The following SLC39A11 variants were observed in gnomAD, a reference collection of about 807,000 sequenced individuals.
SLC39A11 encodes zinc transporter ZIP11.
Under a neutral mutation model 36.1 loss-of-function variants are expected in SLC39A11, and 33 were observed. The ratio of observed to expected loss-of-function variants is 0.91; its 90% CI spans 0.69 to 1.22. The LOEUF is 1.22. Ranked by LOEUF, SLC39A11 falls within the 50% of genes most tolerant of loss-of-function variation. The pLI is 0.00. For synonymous variants in SLC39A11, 166 were observed against 170.3 expected (o/e 0.97, Z 0.20); for missense variants, 432 against 430.3 (o/e 1.00, Z -0.03).
At chr17:72,838,082 G>A (rs2078645212) in intron 6 of SLC39A11, 4 of 807,074 alleles carry the variant, frequency 5.0e-6, no homozygotes, top group Non-Finnish European at 1.7e-6. Flanking sequence ...CCAGCAGTTC[G>A]AGGCCACCCT....
At chr17:72,764,142 A>C (rs933776114) in intron 6 of SLC39A11, among the ~76,000 whole-genome samples, 1 of 152,046 alleles carries the variant, frequency 6.6e-6, no homozygotes, top group Non-Finnish European at 1.5e-5. Context: ...GGCCTCTTTC[A>C]TGCAACTCTT....
intron 6 of SLC39A11, among the ~76,000 whole-genome samples, chr17:72,737,024 C>A (rs919399286): frequency 6.6e-6 from 1 of 152,078 alleles, no homozygotes; most frequent in Non-Finnish European, 1.5e-5. Context: ...GCCTGTAATG[C>A]CAGCACTCTG....
chr17:72,849,822 AAAAG>A lies in SLC39A11; in HGVS notation c.431-22_431-19del. On this transcript the variant is annotated intron_variant, in intron 5 of 9. Coordinates refer to ENST00000255559, the MANE Select transcript of SLC39A11 (RefSeq NM_139177.4). ...ACTCTTGTCTGAGCAAAAAAAAAAA[AAAAG>A]AGAGATGGGGAAAGACAGCGCTTTG... The A allele has an allele frequency of 2.6e-6, 4 of 1,516,968 alleles. No homozygotes were observed. The highest frequency in any genetic ancestry group is 1.4e-5 in the African/African-American group (1 of 71,406). The allele number at this position is 1,516,968 out of a possible 1,614,324, so 94.0% of individuals were successfully genotyped here.
chr17:72,757,703 T>C (rs1373254189), intron 6 of SLC39A11, among the ~76,000 whole-genome samples: 1 of 151,850 alleles, frequency 6.6e-6, no homozygotes, highest in African/African-American at 2.4e-5. Flanking sequence ...TGGCTCCTCA[T>C]GCGTCATTTC....
At position 72,655,972 on chromosome 17, in the gene SLC39A11, G is replaced by A. The variant is rs575713829; in HGVS notation, c.672-6704C>T. On this transcript the variant is annotated intron_variant, in intron 7 of 9. Coordinates refer to ENST00000255559, the MANE Select transcript of SLC39A11 (RefSeq NM_139177.4). Reference sequence around the variant, plus strand: ...GGCTGGTGGCGTGGAGGATGCCCCAGGCTCACCAGCTCCCCTCCTGCAGCC... The same window carrying A: ...GGCTGGTGGCGTGGAGGATGCCCCAAGCTCACCAGCTCCCCTCCTGCAGCC... Among the ~76,000 whole-genome samples, 9 of 152,184 alleles carry A rather than the reference G, an allele frequency of 5.9e-5. No individual in the cohort carries two copies. In the South Asian group the frequency reaches 1.9e-3, roughly 32 times the overall value.
chr17:72,959,325 G>GTTTATATATATATA, intron 4 of SLC39A11, among the ~76,000 whole-genome samples: 1 of 65,546 alleles, frequency 1.5e-5, no homozygotes, highest in African/African-American at 6.9e-5. Flanking sequence ...GTGTGTGTGT[G>GTTTATATATATATA]TATATATATA....
intron 7 of SLC39A11, among the ~76,000 whole-genome samples, chr17:72,658,107 G>A (rs1567912232): frequency 6.6e-6 from 1 of 152,218 alleles, no homozygotes; most frequent in Non-Finnish European, 1.5e-5. Flanking sequence ...GAAACCCCCA[G>A]AGGTGACCTG....
intron 7 of SLC39A11, among the ~76,000 whole-genome samples, chr17:72,701,154 G>C (rs1366383292): frequency 2.0e-5 from 3 of 152,228 alleles, no homozygotes; most frequent in African/African-American, 7.2e-5. Context: ...TCATTTTGCA[G>C]TTCTCACCCA....
intron 7 of SLC39A11, among the ~76,000 whole-genome samples, chr17:72,662,140 G>A (rs970796544): frequency 6.6e-6 from 1 of 152,050 alleles, no homozygotes. Flanking sequence ...GCAGTGGTTC[G>A]CGCCTGTAAT....
At chr17:72,875,277 G>A (rs1249328714) in intron 5 of SLC39A11, among the ~76,000 whole-genome samples, 1 of 152,202 alleles carries the variant, frequency 6.6e-6, no homozygotes, top group Non-Finnish European at 1.5e-5. Flanking sequence ...GCAAGGCTAA[G>A]GGTAAAACTT....
At chr17:72,767,810 A>G (rs2144649798) in intron 6 of SLC39A11, among the ~76,000 whole-genome samples, 1 of 152,370 alleles carries the variant, frequency 6.6e-6, no homozygotes, top group Non-Finnish European at 1.5e-5. Flanking sequence ...GTAACCACCC[A>G]GGGGTTACAA....
chr17:72,942,628 A>G (rs1225896655), intron 5 of SLC39A11, among the ~76,000 whole-genome samples: 1 of 152,234 alleles, frequency 6.6e-6, no homozygotes, highest in African/African-American at 2.4e-5. Flanking sequence ...GAAAGTTAGA[A>G]GATACAGAAA....
intron 7 of SLC39A11, among the ~76,000 whole-genome samples, chr17:72,698,063 C>T (rs759990642): frequency 2.6e-5 from 4 of 152,308 alleles, no homozygotes; most frequent in Middle Eastern, 3.4e-3. Context: ...CCTTGTTCTA[C>T]GCGGGCCTGG....
chr17:72,921,988 AT>A (rs1415954179), intron 5 of SLC39A11, among the ~76,000 whole-genome samples: 1 of 152,230 alleles, frequency 6.6e-6, no homozygotes, highest in African/African-American at 2.4e-5. Context: ...GAAAAATGTT[AT>A]TATTCAATTA....
At chr17:72,839,771 A>T (rs1247167183) in intron 6 of SLC39A11, 2 of 152,236 alleles carry the variant, frequency 1.3e-5, no homozygotes, top group Non-Finnish European at 2.9e-5. Flanking sequence ...GATCTCTAGC[A>T]TAAAGGAATA....
At chr17:72,689,494 C>T (rs2071919234) in intron 7 of SLC39A11, among the ~76,000 whole-genome samples, 2 of 152,200 alleles carry the variant, frequency 1.3e-5, no homozygotes, top group Non-Finnish European at 2.9e-5. Flanking sequence ...CTTGCACACA[C>T]CTGTTCATGT....
chr17:72,750,189 C>T (rs1447582067), intron 6 of SLC39A11, among the ~76,000 whole-genome samples: 1 of 152,186 alleles, frequency 6.6e-6, no homozygotes, highest in Admixed American at 6.5e-5. Context: ...TCTCACATCC[C>T]CAGGAAGTGG....
At chr17:73,031,214 A>G (rs2058728502) in intron 4 of SLC39A11, among the ~76,000 whole-genome samples, 1 of 142,860 alleles carries the variant, frequency 7.0e-6, no homozygotes. Context: ...CATCTCCCTG[A>G]TGATGTCATA....
At chr17:72,836,208 T>C (rs1008022724) in intron 6 of SLC39A11, among the ~76,000 whole-genome samples, 1 of 152,208 alleles carries the variant, frequency 6.6e-6, no homozygotes, top group Non-Finnish European at 1.5e-5. Context: ...AAGCATTTCC[T>C]GAACTTCTCT....
Sources: gnomAD v4.1 joint callset for allele counts (sites outside exome capture counted in the v4.1 genomes callset) on GRCh38, gnomAD v4.1.1 for gene constraint, MANE v1.5 for transcripts, NCBI Gene and HGNC (gene_info 2026-07-23, HGNC 2026-07-21) for gene names.